Variants in LDLRAD3 observed in about 807,000 individuals in gnomAD.
The protein encoded by LDLRAD3 is low density lipoprotein receptor class A domain containing 3.
LDLRAD3 carries 20 observed loss-of-function variants against 29.4 expected under a neutral mutation model. That is an observed-to-expected ratio of 0.68 (90% confidence interval 0.48 to 0.99). The LOEUF (loss-of-function observed/expected upper bound fraction) is 0.99. Among genes scored for constraint, LDLRAD3 ranks in the 50% least tolerant of loss-of-function variants. The pLI, the probability that LDLRAD3 is intolerant of heterozygous loss-of-function variation, is 0.00. For missense variants in LDLRAD3, 420 were observed against 454.3 expected (o/e 0.92, Z 0.69); for synonymous variants, 157 against 192.7 (o/e 0.81, Z 1.53).
intron 2 of LDLRAD3, among the ~76,000 whole-genome samples, chr11:36,054,711 GTGGATGGA>G (rs71044545): frequency 2.7e-5 from 4 of 146,218 alleles, no homozygotes; most frequent in East Asian, 2.1e-4. Context: ...GGATGGGTGG[GTGGATGGA>G]TGGATGGATG....
At chr11:36,011,068 G>A (rs113455015) in intron 1 of LDLRAD3, among the ~76,000 whole-genome samples, 2,616 of 152,276 alleles carry the variant, frequency 0.017, 66 homozygotes, top group East Asian at 0.12. Flanking sequence ...GCCTCCCAAA[G>A]TGCTGCAATT....
At chr11:36,138,388 T>C (rs937652608) in intron 4 of LDLRAD3, among the ~76,000 whole-genome samples, 4 of 152,258 alleles carry the variant, frequency 2.6e-5, no homozygotes, top group African/African-American at 7.2e-5. Flanking sequence ...CTCTTTTATC[T>C]TTTGTGCAGT....
Position 36,054,093 on chromosome 11 carries a change from C to T in LDLRAD3, c.193+17844C>T, listed in dbSNP as rs534605822. 3.3e-5 allele frequency among the ~76,000 whole-genome samples: 5 copies of T among 152,320 alleles called. No individual in the cohort carries two copies. In the South Asian group the frequency reaches 6.2e-4, roughly 19 times the overall value. On this transcript the variant is annotated intron_variant, in intron 2 of 5. Transcript: ENST00000315571. Reference sequence around the variant, plus strand: ...GCATATGTGAAACACACTTTCCCTGCGCTCTCTGTTTAATATCCCAGGTTG... The same window carrying T: ...GCATATGTGAAACACACTTTCCCTGTGCTCTCTGTTTAATATCCCAGGTTG...
At chr11:35,996,468 A>G (rs1246646579) in intron 1 of LDLRAD3, among the ~76,000 whole-genome samples, 1 of 152,234 alleles carries the variant, frequency 6.6e-6, no homozygotes, top group Non-Finnish European at 1.5e-5. Flanking sequence ...AATAATAAAA[A>G]AGTTTGAGAT....
intron 2 of LDLRAD3, among the ~76,000 whole-genome samples, chr11:36,036,478 AG>A (rs1453308546): frequency 6.6e-6 from 1 of 152,098 alleles, no homozygotes; most frequent in African/African-American, 2.4e-5. Context: ...AGAGAGCAGA[AG>A]GTTTTACCAT....
intron 4 of LDLRAD3, among the ~76,000 whole-genome samples, chr11:36,177,864 A>G (rs1033527215): frequency 6.6e-6 from 1 of 152,096 alleles, no homozygotes; most frequent in Admixed American, 6.5e-5. Context: ...AGCTGATACA[A>G]CCTAAGGTCG....
chr11:35,997,120 T>G (rs1341902702), intron 1 of LDLRAD3: 1 of 258,852 alleles, frequency 3.9e-6, no homozygotes, highest in African/African-American at 2.3e-5. Context: ...TTTTTATGAT[T>G]AGGTGGAAAC....
intron 4 of LDLRAD3, among the ~76,000 whole-genome samples, chr11:36,141,332 C>T (rs541425680): frequency 2.0e-5 from 3 of 151,974 alleles, no homozygotes; most frequent in Non-Finnish European, 4.4e-5. Flanking sequence ...AGTTCATGTT[C>T]GTTTGTTTTG....
chr11:36,000,032 G>A (rs573219038), intron 1 of LDLRAD3, among the ~76,000 whole-genome samples: 1 of 152,204 alleles, frequency 6.6e-6, no homozygotes, highest in South Asian at 2.1e-4. Context: ...CTATGAAGTG[G>A]AATGCTATCC....
At chr11:35,989,906 G>A (rs548976764) in intron 1 of LDLRAD3, among the ~76,000 whole-genome samples, 1 of 152,000 alleles carries the variant, frequency 6.6e-6, no homozygotes, top group African/African-American at 2.4e-5. Context: ...TCTTTCTCTT[G>A]CCTGATTGCT....
intron 4 of LDLRAD3, among the ~76,000 whole-genome samples, chr11:36,181,592 G>A (rs556069071): frequency 1.3e-5 from 2 of 152,098 alleles, no homozygotes; most frequent in East Asian, 1.9e-4. Context: ...CCTCCGAAAC[G>A]CCTCTGGCAT....
At chr11:35,952,044 T>C (rs1321056556) in intron 1 of LDLRAD3, among the ~76,000 whole-genome samples, 2 of 152,252 alleles carry the variant, frequency 1.3e-5, no homozygotes, top group African/African-American at 4.8e-5. Context: ...TGTGTGTACA[T>C]ACTATAATTT....
intron 4 of LDLRAD3, among the ~76,000 whole-genome samples, chr11:36,135,448 AT>A (rs1318315309): frequency 1.3e-5 from 2 of 152,116 alleles, no homozygotes; most frequent in South Asian, 2.1e-4. Context: ...TTCTGTTCCC[AT>A]TCTGAGTCTT....
intron 1 of LDLRAD3, among the ~76,000 whole-genome samples, chr11:35,994,644 T>C (rs879895025): frequency 1.2e-4 from 19 of 152,238 alleles, no homozygotes; most frequent in Non-Finnish European, 2.6e-4. Flanking sequence ...CTTCCTTTCA[T>C]GAAAGACTTC....
intron 4 of LDLRAD3, among the ~76,000 whole-genome samples, chr11:36,160,793 C>CT (rs1041213769): frequency 2.5e-4 from 38 of 152,020 alleles, no homozygotes; most frequent in East Asian, 3.9e-4. Context: ...GAAACAGGAT[C>CT]TTTTTTTTGG....
chr11:36,098,728 G>T (rs1853401974), intron 4 of LDLRAD3, among the ~76,000 whole-genome samples: 1 of 152,174 alleles, frequency 6.6e-6, no homozygotes, highest in Non-Finnish European at 1.5e-5. Context: ...TGCCCCAACT[G>T]TGTTACATAC....
intron 1 of LDLRAD3, among the ~76,000 whole-genome samples, chr11:35,956,448 A>G (rs897819159): frequency 4.6e-5 from 7 of 152,244 alleles, no homozygotes; most frequent in Non-Finnish European, 7.3e-5. Flanking sequence ...TGACAGACCA[A>G]CAGCATCAGC....
At chr11:36,116,360 C>T (rs909163044) in intron 4 of LDLRAD3, among the ~76,000 whole-genome samples, 3 of 151,932 alleles carry the variant, frequency 2.0e-5, no homozygotes, top group African/African-American at 7.3e-5. Context: ...GCTTCCTGGC[C>T]TAACAAAAAA....
chr11:36,191,570 CTCTCTCTATA>C (rs1469948548), intron 4 of LDLRAD3, among the ~76,000 whole-genome samples: 27 of 78,316 alleles, frequency 3.4e-4, no homozygotes, highest in Non-Finnish European at 5.1e-4. Context: ...CTCTCTCTCT[CTCTCTCTATA>C]TATATATATA....
Sources: allele counts gnomAD v4.1 joint callset (sites outside exome capture counted in the v4.1 genomes callset), GRCh38; gene constraint gnomAD v4.1.1; transcripts MANE v1.5; gene names NCBI Gene and HGNC (gene_info 2026-07-23, HGNC 2026-07-21).